Variants in GPC5 observed in about 807,000 individuals in gnomAD.
The protein encoded by GPC5 is glypican 5, also known as glypican-5.
Under a neutral mutation model 53.9 loss-of-function variants are expected in GPC5, and 47 were observed. The observed-to-expected ratio is 0.87, with a 90% CI of 0.69 to 1.11. GPC5 has a LOEUF of 1.11. Ranked by LOEUF, GPC5 falls within the 50% of genes most tolerant of loss-of-function variation. GPC5 has a pLI of 0.00. For synonymous variants in GPC5, 286 were observed against 263.3 expected (o/e 1.09, Z -0.84); for missense variants, 748 against 713.1 (o/e 1.05, Z -0.56).
rs1026511900 is a variant in GPC5, at chr13:92,098,399, A to G, written c.1402-46431A>G. Among the ~76,000 whole-genome samples, 14 of 152,126 alleles carry G rather than the reference A, an allele frequency of 9.2e-5. No individual in the cohort carries two copies. The East Asian group carries it at 2.7e-3, about 29-fold the overall frequency. Reference sequence around the variant, plus strand: ...AGAATATCTATAATTATTATCTCAGACCTGTCCTAATTTCTATTTCAGGAG... The same window carrying G: ...AGAATATCTATAATTATTATCTCAGGCCTGTCCTAATTTCTATTTCAGGAG... On this transcript the variant is annotated intron_variant, in intron 6 of 7. Coordinates refer to ENST00000377067, the MANE Select transcript of GPC5 (RefSeq NM_004466.6).
intron 7 of GPC5, among the ~76,000 whole-genome samples, chr13:92,551,045 A>G (rs1882294192): frequency 6.6e-6 from 1 of 151,926 alleles, no homozygotes; most frequent in Non-Finnish European, 1.5e-5. Context: ...GCAGAAAACA[A>G]TGCTGACAAT....
At chr13:91,687,167 C>A (rs146894069) in intron 2 of GPC5, among the ~76,000 whole-genome samples, 2 of 152,018 alleles carry the variant, frequency 1.3e-5, no homozygotes, top group African/African-American at 4.8e-5. Context: ...TTTTAGAAGT[C>A]AACTTTATCT....
intron 4 of GPC5, among the ~76,000 whole-genome samples, chr13:91,729,314 G>A (rs2036644286): frequency 6.6e-6 from 1 of 151,940 alleles, no homozygotes; most frequent in Admixed American, 6.6e-5. Flanking sequence ...CTTGATAATG[G>A]ATGCTTAAAA....
chr13:92,806,735 T>A (rs1202306347), intron 7 of GPC5, among the ~76,000 whole-genome samples: 1 of 152,078 alleles, frequency 6.6e-6, no homozygotes, highest in East Asian at 1.9e-4. Flanking sequence ...CGACTCTTAA[T>A]TAAGTTCACT....
chr13:92,385,755 G>GTA (rs1297156348), intron 7 of GPC5, among the ~76,000 whole-genome samples: 18 of 101,756 alleles, frequency 1.8e-4, no homozygotes, highest in South Asian at 3.0e-4. Flanking sequence ...ATATACACGT[G>GTA]TATATATATA....
chr13:92,667,410 G>C (rs1347095070), intron 7 of GPC5, among the ~76,000 whole-genome samples: 5 of 152,126 alleles, frequency 3.3e-5, no homozygotes, highest in African/African-American at 1.2e-4. Context: ...AAAGAGAGGA[G>C]AGAGAAAAAG....
chr13:91,524,626 A>G (rs1489476180), intron 2 of GPC5, among the ~76,000 whole-genome samples: 3 of 152,094 alleles, frequency 2.0e-5, no homozygotes, highest in Non-Finnish European at 4.4e-5. Context: ...GCTTTACGTC[A>G]TCCTGGGCCA....
chr13:92,319,625 A>AT (rs979967894), intron 7 of GPC5, among the ~76,000 whole-genome samples: 1 of 152,140 alleles, frequency 6.6e-6, no homozygotes, highest in Non-Finnish European at 1.5e-5. Context: ...GTAGCATTTT[A>AT]TGATTACTCT....
chr13:92,365,858 T>C (rs1211524453), intron 7 of GPC5, among the ~76,000 whole-genome samples: 2 of 151,340 alleles, frequency 1.3e-5, no homozygotes, highest in Non-Finnish European at 2.9e-5. Context: ...TTGGAATACT[T>C]CTTGAAGGAC....
intron 6 of GPC5, among the ~76,000 whole-genome samples, chr13:92,104,815 C>T (rs953617896): frequency 2.6e-5 from 4 of 152,046 alleles, no homozygotes; most frequent in Admixed American, 6.6e-5. Flanking sequence ...TTAATCCAAA[C>T]GGTTTGGTAA....
intron 2 of GPC5, among the ~76,000 whole-genome samples, chr13:91,612,928 A>G (rs1188236640): frequency 1.3e-5 from 2 of 152,160 alleles, no homozygotes; most frequent in African/African-American, 4.8e-5. Context: ...GACAATTACA[A>G]GGCAAAGGGG....
intron 5 of GPC5, among the ~76,000 whole-genome samples, chr13:91,787,905 C>T (rs2037903441): frequency 6.6e-6 from 1 of 152,058 alleles, no homozygotes; most frequent in Non-Finnish European, 1.5e-5. Context: ...ATATGATCCC[C>T]TTTATATAAT....
chr13:91,939,553 G>A (rs1357786609), intron 6 of GPC5, among the ~76,000 whole-genome samples: 1 of 152,124 alleles, frequency 6.6e-6, no homozygotes, highest in Non-Finnish European at 1.5e-5. Context: ...ACTTACATGT[G>A]TATAGTTTTC....
At chr13:91,441,287 G>A (rs541444276) in intron 1 of GPC5, among the ~76,000 whole-genome samples, 19 of 152,266 alleles carry the variant, frequency 1.2e-4, no homozygotes, top group African/African-American at 4.6e-4. Context: ...CTTCAGGGCA[G>A]GGAACTTGAG....
chr13:91,652,964 C>T (rs1029387179), intron 2 of GPC5, among the ~76,000 whole-genome samples: 4 of 152,166 alleles, frequency 2.6e-5, no homozygotes, highest in East Asian at 1.9e-4. Flanking sequence ...AAATTGTTGA[C>T]GTGCTGATCA....
chr13:92,284,592 C>T (rs568472183), intron 7 of GPC5, among the ~76,000 whole-genome samples: 74 of 152,164 alleles, frequency 4.9e-4, no homozygotes, highest in Middle Eastern at 3.4e-3. Context: ...TCAACATACA[C>T]AAATCAATAA....
intron 5 of GPC5, among the ~76,000 whole-genome samples, chr13:91,801,008 C>A (rs969546614): frequency 1.3e-5 from 2 of 152,078 alleles, no homozygotes; most frequent in African/African-American, 2.4e-5. Flanking sequence ...AAGGCTTAGA[C>A]AATCTACATG....
intron 7 of GPC5, among the ~76,000 whole-genome samples, chr13:92,329,625 A>G (rs570682949): frequency 3.0e-4 from 45 of 152,302 alleles, no homozygotes; most frequent in Admixed American, 1.4e-3. Flanking sequence ...TGCTGCCACC[A>G]TAAGACAAAA....
At chr13:92,813,815 T>C (rs1278294991) in intron 7 of GPC5, among the ~76,000 whole-genome samples, 1 of 152,096 alleles carries the variant, frequency 6.6e-6, no homozygotes, top group East Asian at 1.9e-4. Context: ...AAAGTTAATT[T>C]GTCCTAAATT....
Sources: allele counts gnomAD v4.1 joint callset (sites outside exome capture counted in the v4.1 genomes callset), GRCh38; gene constraint gnomAD v4.1.1; transcripts MANE v1.5; gene names NCBI Gene and HGNC (gene_info 2026-07-23, HGNC 2026-07-21).